The following ASIC2 variants were observed in gnomAD, a reference collection of about 807,000 sequenced individuals.
The protein encoded by ASIC2 is acid-sensing ion channel 2.
A neutral mutation model predicts 57.3 loss-of-function variants in ASIC2; 25 were observed. The ratio of observed to expected loss-of-function variants is 0.44; its 90% CI spans 0.32 to 0.61. ASIC2 has a LOEUF of 0.61. Ranked by LOEUF, ASIC2 falls within the 20% of genes least tolerant of loss-of-function variation. The pLI is 0.06. For synonymous variants in ASIC2, 319 were observed against 307.5 expected, an observed-to-expected ratio of 1.04 and a Z score of -0.39; for missense variants, 641 against 738.1, an observed-to-expected ratio of 0.87 and a Z score of 1.52.
At chr17:34,053,694 G>A (rs1004859419) in intron 1 of ASIC2, among the ~76,000 whole-genome samples, 2 of 152,218 alleles carry the variant, frequency 1.3e-5, no homozygotes, top group African/African-American at 2.4e-5. Context: ...TAGGTACTGA[G>A]TTCAAGATCA....
At chr17:34,004,324 A>G (rs1906451973) in intron 1 of ASIC2, 1 of 152,236 alleles carries the variant, frequency 6.6e-6, no homozygotes, top group South Asian at 2.1e-4. Flanking sequence ...TTGGTTCTGC[A>G]TCCACCATCC....
intron 1 of ASIC2, among the ~76,000 whole-genome samples, chr17:33,752,658 T>C (rs1224650582): frequency 1.3e-5 from 2 of 152,214 alleles, no homozygotes; most frequent in African/African-American, 2.4e-5. Context: ...ATAATATCCA[T>C]GGTATGGGTC....
intron 1 of ASIC2, among the ~76,000 whole-genome samples, chr17:33,683,357 C>T (rs1908070577): frequency 6.6e-6 from 1 of 152,210 alleles, no homozygotes; most frequent in Admixed American, 6.5e-5. Context: ...TGAGCCACCG[C>T]ACCTTGCCTA....
chr17:33,941,571 A>T (rs1916192966), intron 1 of ASIC2, among the ~76,000 whole-genome samples: 1 of 152,186 alleles, frequency 6.6e-6, no homozygotes, highest in African/African-American at 2.4e-5. Flanking sequence ...ATGGAAGTAG[A>T]TAGAGGGAGC....
chr17:33,241,249 G>A (rs756743993), intron 1 of ASIC2, among the ~76,000 whole-genome samples: 3 of 152,208 alleles, frequency 2.0e-5, no homozygotes, highest in Non-Finnish European at 2.9e-5. Flanking sequence ...AGACTTACAG[G>A]ATATTGGTTC....
In ASIC2 at chr17:33,389,672, G is replaced by T. The variant is rs1469530106; in HGVS notation, c.556-277605C>A. Among the ~76,000 whole-genome samples the T allele has an allele frequency of 3.9e-5, 6 of 152,294 alleles. No homozygotes were observed. In the East Asian group the frequency reaches 1.2e-3, roughly 29 times the overall value. On this transcript the variant is annotated intron_variant, in intron 1 of 9. Transcript: ENST00000359872. ...ATCTGTCTGCAGAGGAAAGATCAAG[G>T]AAGAGATTTGGAAAGCACTTATCAC... is the stretch of plus-strand genomic sequence containing the variant.
chr17:33,753,234 A>G (rs1381700352), intron 1 of ASIC2, among the ~76,000 whole-genome samples: 2 of 152,200 alleles, frequency 1.3e-5, no homozygotes, highest in African/African-American at 4.8e-5. Flanking sequence ...GATTCCAGCT[A>G]TATGACATTC....
chr17:33,027,802 A>C (rs1190197704), intron 4 of ASIC2, among the ~76,000 whole-genome samples: 2 of 152,274 alleles, frequency 1.3e-5, no homozygotes, highest in Non-Finnish European at 2.9e-5. Context: ...CATTATGTGC[A>C]CATTTATTTG....
At chr17:33,327,478 T>A (rs1414681385) in intron 1 of ASIC2, among the ~76,000 whole-genome samples, 1 of 152,204 alleles carries the variant, frequency 6.6e-6, no homozygotes, top group East Asian at 1.9e-4. Flanking sequence ...CATTTATATA[T>A]TATTCGTTTG....
Position 33,293,093 on chromosome 17 carries a change from G to A in ASIC2, c.-978C>T. 1.0e-6 allele frequency: 1 copy of A among 953,816 alleles called. No individual in the cohort carries two copies. Among genetic ancestry groups the A allele is most frequent in the Non-Finnish European group, 1.2e-6 (1 of 801,204 alleles). The allele number at this position is 953,816 out of a possible 1,614,324, so 59.1% of individuals were successfully genotyped here. ...GCGGGGACCCGCCAACACCTCCCGGGGGTGACCCGGACTCGCTGCTCCGCG... is the reference window on the plus strand; with the variant it reads ...GCGGGGACCCGCCAACACCTCCCGGAGGTGACCCGGACTCGCTGCTCCGCG... On this transcript the variant is annotated 5_prime_UTR_variant, in exon 1 of 10. Transcript: ENST00000225823.
intron 1 of ASIC2, among the ~76,000 whole-genome samples, chr17:33,345,311 T>C (rs548769053): frequency 1.3e-5 from 2 of 152,234 alleles, no homozygotes; most frequent in Non-Finnish European, 2.9e-5. Flanking sequence ...TCAGGTATGA[T>C]TCGAGGCACT....
rs115867009 is a variant in ASIC2, at chr17:33,620,331, A to G, written c.556-508264T>C. Reference sequence around the variant, plus strand: ...AAAGCTTACCAGTAATGCAGCCACTATACACAGTTGATGGCAAAGTTCCTC... The same window carrying G: ...AAAGCTTACCAGTAATGCAGCCACTGTACACAGTTGATGGCAAAGTTCCTC... On this transcript the variant is annotated intron_variant, in intron 1 of 9. Transcript: ENST00000359872. Among the ~76,000 whole-genome samples, 1,147 of 151,932 alleles carry G rather than the reference A, an allele frequency of 7.5e-3. 21 individuals are homozygous for G. Among genetic ancestry groups the G allele is most frequent in the African/African-American group, 0.027 (1,111 of 41,402 alleles).
intron 1 of ASIC2, among the ~76,000 whole-genome samples, chr17:33,221,036 A>C (rs1431417267): frequency 6.6e-6 from 1 of 152,122 alleles, no homozygotes; most frequent in Non-Finnish European, 1.5e-5. Context: ...ACACCATTGC[A>C]CTCCAGCCTG....
At chr17:33,811,955 T>G (rs928154844) in intron 1 of ASIC2, among the ~76,000 whole-genome samples, 2 of 152,322 alleles carry the variant, frequency 1.3e-5, no homozygotes, top group Admixed American at 6.5e-5. Flanking sequence ...ACTTGCTATA[T>G]TTGTGAAGCT....
chr17:33,735,100 G>C (rs1018199617), intron 1 of ASIC2, among the ~76,000 whole-genome samples: 4 of 152,144 alleles, frequency 2.6e-5, no homozygotes, highest in Non-Finnish European at 5.9e-5. Context: ...TCCTGTAGCA[G>C]TTTCTGTGAC....
chr17:33,932,178 G>T (rs1461125777), intron 1 of ASIC2, among the ~76,000 whole-genome samples: 1 of 152,114 alleles, frequency 6.6e-6, no homozygotes, highest in Non-Finnish European at 1.5e-5. Context: ...GAGGAACCTG[G>T]TGTCTTCCCC....
chr17:33,449,086 T>G (rs567019161), intron 1 of ASIC2, among the ~76,000 whole-genome samples: 1 of 152,326 alleles, frequency 6.6e-6, no homozygotes, highest in South Asian at 2.1e-4. Flanking sequence ...GAAACTGTTT[T>G]ATAAACAGAA....
At chr17:33,944,163 A>G (rs1479352424) in intron 1 of ASIC2, among the ~76,000 whole-genome samples, 3 of 152,178 alleles carry the variant, frequency 2.0e-5, no homozygotes, top group Non-Finnish European at 2.9e-5. Flanking sequence ...TTCAGCTGCA[A>G]TTTATTGACC....
At chr17:33,249,122 G>A (rs992139074) in intron 1 of ASIC2, among the ~76,000 whole-genome samples, 1 of 152,198 alleles carries the variant, frequency 6.6e-6, no homozygotes, top group African/African-American at 2.4e-5. Flanking sequence ...TGACAGACTG[G>A]AGGTGGGGTG....
Sources: allele counts gnomAD v4.1 joint callset (sites outside exome capture counted in the v4.1 genomes callset), GRCh38; gene constraint gnomAD v4.1.1; transcripts MANE v1.5; gene names NCBI Gene and HGNC (gene_info 2026-07-23, HGNC 2026-07-21).